Variants in MLLT10 observed in about 807,000 individuals in gnomAD.
The protein encoded by MLLT10 is MLLT10 histone lysine methyltransferase DOT1L cofactor.
In MLLT10, 30 loss-of-function variants were observed where a neutral mutation model predicts 129.1. That is an observed-to-expected ratio of 0.23 (90% CI 0.17 to 0.32). The LOEUF (loss-of-function observed/expected upper bound fraction) is 0.32, where lower values mean the gene tolerates loss of function less well. Among genes scored for constraint, MLLT10 ranks in the 10% least tolerant of loss-of-function variants. MLLT10 has a pLI of 1.00. For synonymous variants in MLLT10, 490 were observed against 446.4 expected, an observed-to-expected ratio of 1.10 and a Z score of -1.23; for missense variants, 1,119 against 1,268.3, an observed-to-expected ratio of 0.88 and a Z score of 1.79.
chr10:21,602,223 TG>T (rs2043604987), intron 5 of MLLT10, among the ~76,000 whole-genome samples: 1 of 152,216 alleles, frequency 6.6e-6, no homozygotes, highest in Admixed American at 6.5e-5. Flanking sequence ...GTTGTCCAGG[TG>T]GGCAACAAGT....
intron 8 of MLLT10, 133 bp from the exon 9 acceptor site, chr10:21,651,540 C>T: frequency 1.7e-6 from 1 of 605,974 alleles, no homozygotes. Context: ...TAAAACAACA[C>T]AATGATCAGA....
chr10:21,696,373 A>G (rs2054364309), intron 13 of MLLT10, among the ~76,000 whole-genome samples: 1 of 151,910 alleles, frequency 6.6e-6, no homozygotes, highest in African/African-American at 2.4e-5. Flanking sequence ...ATTTTTAGGT[A>G]ATTTTAATTA....
intron 9 of MLLT10, among the ~76,000 whole-genome samples, chr10:21,657,895 G>A (rs1419541392): frequency 4.6e-5 from 7 of 151,938 alleles, no homozygotes; most frequent in African/African-American, 9.7e-5. Context: ...AAATTTTAAT[G>A]TTTCTTTAAG....
chr10:21,604,548 C>T (rs2043870291), intron 5 of MLLT10, among the ~76,000 whole-genome samples: 1 of 152,086 alleles, frequency 6.6e-6, no homozygotes, highest in African/African-American at 2.4e-5. Context: ...GAGACTGTGC[C>T]ATTGCACTCC....
At chr10:21,545,699 C>T (rs749254920) in intron 3 of MLLT10, among the ~76,000 whole-genome samples, 16 of 152,190 alleles carry the variant, frequency 1.1e-4, no homozygotes, top group Non-Finnish European at 1.5e-4. Flanking sequence ...GACAGGGTCT[C>T]GCTTTTTGCC....
intron 8 of MLLT10, 22 bp from the exon 9 acceptor site, chr10:21,651,651 T>C (rs1476656122): frequency 6.4e-7 from 1 of 1,569,312 alleles, no homozygotes; most frequent in Non-Finnish European, 8.7e-7. Context: ...TAAAATTGGA[T>C]TTTACTTATA....
chr10:21,593,453 A>G (rs1015077749), intron 4 of MLLT10, among the ~76,000 whole-genome samples: 1 of 152,098 alleles, frequency 6.6e-6, no homozygotes, highest in African/African-American at 2.4e-5. Context: ...AGTTATTTGC[A>G]TCAATTTAGA....
intron 17 of MLLT10, 109 bp downstream of exon 17, chr10:21,731,163 A>G (rs2057936582): frequency 2.0e-6 from 2 of 983,384 alleles, no homozygotes; most frequent in South Asian, 3.2e-5. Flanking sequence ...GGATTATGAT[A>G]TACATTTTAT....
intron 20 of MLLT10, among the ~76,000 whole-genome samples, chr10:21,734,378 T>C (rs1035900417): frequency 6.6e-6 from 1 of 152,256 alleles, no homozygotes; most frequent in Non-Finnish European, 1.5e-5. Flanking sequence ...ATGTCTGTTT[T>C]TAAATACTAG....
intron 11 of MLLT10, among the ~76,000 whole-genome samples, chr10:21,677,853 A>G (rs187836269): frequency 7.2e-5 from 11 of 152,336 alleles, no homozygotes; most frequent in African/African-American, 1.4e-4. Context: ...TTTAAACTAT[A>G]ACATTCACTA....
At chr10:21,670,916 G>A (rs1421756272) in intron 10 of MLLT10, 1 of 490,818 alleles carries the variant, frequency 2.0e-6, no homozygotes, top group South Asian at 3.8e-5. Flanking sequence ...AATATGATTT[G>A]TGCTTCCAGA....
At chr10:21,607,215 G>C (rs1199608985) in intron 5 of MLLT10, among the ~76,000 whole-genome samples, 5 of 151,884 alleles carry the variant, frequency 3.3e-5, no homozygotes, top group Non-Finnish European at 5.9e-5. Context: ...CTCCTGTAAA[G>C]CTCCATTGCC....
At chr10:21,595,682 A>G (rs2042960819) in intron 5 of MLLT10, 3 of 359,402 alleles carry the variant, frequency 8.3e-6, no homozygotes, top group East Asian at 4.2e-5. Context: ...TACGATATAC[A>G]GGATATTTTA....
Position 21,742,088 on chromosome 10 carries a change from T to C in MLLT10, c.*105T>C. On this transcript the variant is annotated 3_prime_UTR_variant, in exon 23 of 23. Coordinates refer to ENST00000307729, the MANE Select transcript of MLLT10 (RefSeq NM_001195626.3). The stretch of plus-strand genomic sequence containing the variant: ...GCTATGAAGAAACGCAACAAGAAAC[T>C]CAATGCACAACAAAGGATTAATTGC... The C allele has an allele frequency of 1.0e-6, 1 of 971,660 alleles. No homozygotes were observed. The highest frequency in any genetic ancestry group is 2.5e-5 in the East Asian group (1 of 40,568). 60.2% of individuals were successfully genotyped at this position (971,660 alleles called of 1,614,324 possible). A position where few individuals can be genotyped will look rare whatever the true frequency, so the allele number is the denominator to read the frequency against.
At chr10:21,630,123 G>A (rs1338826255) in intron 8 of MLLT10, among the ~76,000 whole-genome samples, 1 of 152,152 alleles carries the variant, frequency 6.6e-6, no homozygotes, top group Admixed American at 6.5e-5. Flanking sequence ...AACTAGATGT[G>A]GGTTGAACCC....
chr10:21,664,136 T>TA (rs1422255633), intron 9 of MLLT10, among the ~76,000 whole-genome samples: 2 of 152,206 alleles, frequency 1.3e-5, no homozygotes, highest in African/African-American at 4.8e-5. Context: ...ACCTATGAGT[T>TA]ACTTAAAAGT....
At position 21,717,798 on chromosome 10, in the gene MLLT10, T is replaced by TTCTTCTC. The variant is rs1564711803; in HGVS notation, c.1878+3848_1878+3849insTCTTCTC. Among the ~76,000 whole-genome samples, 197 of 131,440 alleles carry TTCTTCTC rather than the reference T, an allele frequency of 1.5e-3. 3 individuals carry two copies. Among genetic ancestry groups the TTCTTCTC allele is most frequent in the African/African-American group, 6.0e-3 (194 of 32,390 alleles). 86.2% of individuals were successfully genotyped at this position (131,440 alleles called of 152,430 possible). A position where few individuals can be genotyped will look rare whatever the true frequency, so the allele number is the denominator to read the frequency against. ...TGCTGCTGCTTCTTCTTCTTCTTCTTCTCCTTCTTCTTCTCCTTCTTCTCC... is the reference window on the plus strand; with the variant it reads ...TGCTGCTGCTTCTTCTTCTTCTTCTTTCTTCTCCTCCTTCTTCTTCTCCTTCTTCTCC... On this transcript the variant is annotated intron_variant, in intron 14 of 22. Coordinates refer to ENST00000307729, the MANE Select transcript of MLLT10 (RefSeq NM_001195626.3).
intron 2 of MLLT10, among the ~76,000 whole-genome samples, chr10:21,536,539 T>C (rs1286654157): frequency 6.6e-6 from 1 of 152,214 alleles, no homozygotes; most frequent in Admixed American, 6.5e-5. Context: ...ATGCTGTGTT[T>C]TTTGACGGAT....
chr10:21,540,622 G>C (rs561501807), intron 3 of MLLT10, among the ~76,000 whole-genome samples: 11 of 152,134 alleles, frequency 7.2e-5, no homozygotes, highest in Non-Finnish European at 1.5e-4. Context: ...GAAAATATCA[G>C]AAATAGATTT....
Sources: gnomAD v4.1 joint callset for allele counts (sites outside exome capture counted in the v4.1 genomes callset) on GRCh38, gnomAD v4.1.1 for gene constraint, MANE v1.5 for transcripts, NCBI Gene and HGNC (gene_info 2026-07-23, HGNC 2026-07-21) for gene names.